Variants in FGL1 observed in about 807,000 individuals in gnomAD.
The protein encoded by FGL1 is fibrinogen-like protein 1.
A neutral mutation model predicts 43.7 loss-of-function variants in FGL1; 59 were observed. The observed-to-expected ratio is 1.35, with a 90% CI of 1.10 to 1.68. The LOEUF is 1.68. Among genes scored for constraint, FGL1 ranks in the 40% most tolerant of loss-of-function variants. The probability of loss-of-function intolerance (pLI) is 0.00; values close to 1 mark genes in which losing one functional copy is unlikely to be tolerated. For synonymous variants in FGL1, 192 were observed against 126.5 expected, an observed-to-expected ratio of 1.52 and a Z score of -3.48; for missense variants, 596 against 373.0, an observed-to-expected ratio of 1.60 and a Z score of -4.92.
intron 2 of FGL1, 81 bp from the exon 3 acceptor site, chr8:17,882,260 G>C (rs1320435941): frequency 7.6e-7 from 1 of 1,312,514 alleles, no homozygotes. Context: ...GGATAAATCA[G>C]TGATTCCATT....
At chr8:17,873,341 G>T (rs2053393619) in intron 5 of FGL1, among the ~76,000 whole-genome samples, 2 of 152,138 alleles carry the variant, frequency 1.3e-5, no homozygotes, top group South Asian at 4.1e-4. Context: ...CTAGCTGGAA[G>T]ATGAGAGACC....
At position 17,870,363 on chromosome 8, in the gene FGL1, T is replaced by G. The variant is rs375789068; in HGVS notation, c.503-1359A>C. On this transcript the variant is annotated intron_variant, in intron 5 of 7. Coordinates refer to ENST00000427924, the MANE Select transcript of FGL1 (RefSeq NM_004467.4). The stretch of plus-strand genomic sequence containing the variant: ...ACTATTCCTTTTTCAGAAACAGAAC[T>G]CTTGTCAGGGGCACCAAATGTTATA... 1.1e-3 allele frequency among the ~76,000 whole-genome samples: 173 copies of G among 152,272 alleles called. 1 individual carries two copies. The highest frequency in any genetic ancestry group is 4.0e-3 in the African/African-American group (165 of 41,556).
At chr8:17,893,330 A>G (rs1275591959) in intron 1 of FGL1, among the ~76,000 whole-genome samples, 2 of 152,028 alleles carry the variant, frequency 1.3e-5, no homozygotes, top group Non-Finnish European at 2.9e-5. Context: ...TGAATGATGC[A>G]CCTATATATC....
At position 17,885,487 on chromosome 8, in the gene FGL1, C is replaced by G. The variant is rs1469420345; in HGVS notation, c.63+5G>C. The stretch of plus-strand genomic sequence containing the variant: ...ATATGACAATAGTTTTCCCAAGAAG[C>G]TTACCGAAATTTCCCTGCCCATTGT... On this transcript the variant is annotated splice_donor_5th_base_variant and intron_variant, in intron 2 of 7. Coordinates refer to ENST00000427924, the MANE Select transcript of FGL1 (RefSeq NM_004467.4). 2.5e-6 allele frequency: 4 copies of G among 1,608,216 alleles called. No individual in the cohort carries two copies. The highest frequency in any genetic ancestry group is 3.4e-6 in the Non-Finnish European group (4 of 1,175,694).
intron 3 of FGL1, among the ~76,000 whole-genome samples, chr8:17,878,335 A>G (rs553300680): frequency 6.6e-6 from 1 of 152,208 alleles, no homozygotes; most frequent in Admixed American, 6.5e-5. Context: ...GATGGGGAAT[A>G]TGGGACACAC....
intron 3 of FGL1, among the ~76,000 whole-genome samples, chr8:17,877,997 C>G (rs142356047): frequency 2.6e-5 from 4 of 152,226 alleles, no homozygotes; most frequent in African/African-American, 7.2e-5. Flanking sequence ...GGGTCTCACT[C>G]TGTTACCCAG....
At chr8:17,887,451 T>C (rs545548953) in intron 1 of FGL1, among the ~76,000 whole-genome samples, 1 of 152,180 alleles carries the variant, frequency 6.6e-6, no homozygotes, top group Non-Finnish European at 1.5e-5. Context: ...CCACATCAAA[T>C]GGTCTAAAGA....
At chr8:17,873,696 TAGCGA>T (rs2053399263) in intron 5 of FGL1, among the ~76,000 whole-genome samples, 2 of 68,398 alleles carry the variant, frequency 2.9e-5, no homozygotes, top group African/African-American at 9.5e-5. Context: ...TAGATACATA[TAGCGA>T]CTTATATTCT....
At chr8:17,868,467 C>T in intron 7 of FGL1, 81 bp downstream of exon 7, 4 of 1,017,602 alleles carry the variant, frequency 3.9e-6, no homozygotes, top group South Asian at 2.5e-5. Flanking sequence ...CTAACATTAC[C>T]ATACATATTA....
At chr8:17,880,254 C>T (rs886964008) in intron 3 of FGL1, among the ~76,000 whole-genome samples, 13 of 151,924 alleles carry the variant, frequency 8.6e-5, no homozygotes, top group African/African-American at 3.1e-4. Flanking sequence ...GAGCCCAGGG[C>T]GAGGAGTCTG....
rs1011550591 is a variant in FGL1, at chr8:17,886,033, C to T, written c.-17-462G>A. ...CCTCCCAAAGTGCTGGGATTACAGG[C>T]GTGAGCCACTGCCTAGAGTAAGATT... On this transcript the variant is annotated intron_variant, in intron 1 of 7. Coordinates refer to ENST00000427924, the MANE Select transcript of FGL1 (RefSeq NM_004467.4). 5.9e-5 allele frequency among the ~76,000 whole-genome samples: 9 copies of T among 152,152 alleles called. No homozygotes were observed. The South Asian group carries it at 1.5e-3, about 25-fold the overall frequency.
chr8:17,881,760 G>A (rs1406194299), intron 3 of FGL1, among the ~76,000 whole-genome samples: 1 of 150,738 alleles, frequency 6.6e-6, no homozygotes, highest in African/African-American at 2.4e-5. Context: ...TGTGAACCTG[G>A]TAGACGGAGC....
intron 7 of FGL1, among the ~76,000 whole-genome samples, chr8:17,867,623 A>C (rs2053289778): frequency 6.6e-6 from 1 of 152,260 alleles, no homozygotes; most frequent in South Asian, 2.1e-4. Flanking sequence ...CACGAGCACT[A>C]TGAAACTCCA....
chr8:17,867,064 C>T (rs932593152), intron 7 of FGL1, among the ~76,000 whole-genome samples: 4 of 152,092 alleles, frequency 2.6e-5, no homozygotes, highest in African/African-American at 9.7e-5. Context: ...CTTAAATGGA[C>T]TCAAATGTTT....
intron 7 of FGL1, among the ~76,000 whole-genome samples, chr8:17,865,188 T>C (rs183946693): frequency 5.8e-4 from 88 of 152,296 alleles, no homozygotes; most frequent in Non-Finnish European, 1.1e-3. Flanking sequence ...ATTTCAATTT[T>C]TGATTTTCTT....
Position 17,873,179 on chromosome 8 carries a change from A to C in FGL1, c.502+840T>G, listed in dbSNP as rs141052666. On this transcript the variant is annotated intron_variant, in intron 5 of 7. Transcript: ENST00000427924. ...CTCCTCCTATTGTTTACTTCCTTTT[A>C]AAAAAAAGTCTGAGCTGCTCCTGTG... Among the ~76,000 whole-genome samples, 799 of 151,980 alleles carry C rather than the reference A, an allele frequency of 5.3e-3. 5 individuals are homozygous for C. Among genetic ancestry groups the C allele is most frequent in the Non-Finnish European group, 7.1e-3 (484 of 67,978 alleles).
chr8:17,864,790 A>T (rs1183214013), intron 7 of FGL1, 39 bp from the exon 8 acceptor site: 5 of 1,412,366 alleles, frequency 3.5e-6, no homozygotes, highest in African/African-American at 1.4e-5. Flanking sequence ...CAACAATCAG[A>T]CTGGAAAAAT....
chr8:17,886,694 G>A (rs1009235121), intron 1 of FGL1, among the ~76,000 whole-genome samples: 1 of 152,048 alleles, frequency 6.6e-6, no homozygotes, highest in South Asian at 2.1e-4. Flanking sequence ...GGAGATGGAG[G>A]TTGCAGTGAG....
At chr8:17,869,341 C>G (rs1170477571) in intron 5 of FGL1, among the ~76,000 whole-genome samples, 1 of 152,022 alleles carries the variant, frequency 6.6e-6, no homozygotes, top group Non-Finnish European at 1.5e-5. Flanking sequence ...GACGTTTTAC[C>G]TTTAATAGTT....
Sources: gnomAD v4.1 joint callset for allele counts (sites outside exome capture counted in the v4.1 genomes callset) on GRCh38, gnomAD v4.1.1 for gene constraint, MANE v1.5 for transcripts, NCBI Gene and HGNC (gene_info 2026-07-23, HGNC 2026-07-21) for gene names.